Variants in SEC23IP observed in about 807,000 individuals in gnomAD.
SEC23IP encodes the protein SEC23-interacting protein.
In SEC23IP, 70 loss-of-function variants were observed where a neutral mutation model predicts 113.4. The observed-to-expected ratio is 0.62, with a 90% CI of 0.51 to 0.75. The LOEUF (loss-of-function observed/expected upper bound fraction) is 0.75. Ranked by LOEUF, SEC23IP falls within the 30% of genes least tolerant of loss-of-function variation. The pLI, the probability that SEC23IP is intolerant of heterozygous loss-of-function variation, is 0.00. For synonymous variants in SEC23IP, 398 were observed against 421.0 expected (o/e 0.95, Z 0.67); for missense variants, 1,160 against 1,204.9 (o/e 0.96, Z 0.55).
intron 18 of SEC23IP, among the ~76,000 whole-genome samples, chr10:119,935,733 C>T: frequency 6.6e-6 from 1 of 152,168 alleles, no homozygotes; most frequent in East Asian, 1.9e-4. Flanking sequence ...AAATGAACCA[C>T]ATGGTAAAGA....
At chr10:119,901,197 C>T (rs61870591) in intron 2 of SEC23IP, among the ~76,000 whole-genome samples, 8,247 of 151,682 alleles carry the variant, frequency 0.054, 414 homozygotes, top group South Asian at 0.26. Context: ...TTTGTAGAAA[C>T]GGTATTGCTG....
intron 15 of SEC23IP, among the ~76,000 whole-genome samples, chr10:119,931,400 A>C (rs188988529): frequency 6.6e-6 from 1 of 150,798 alleles, no homozygotes; most frequent in Non-Finnish European, 1.5e-5. Context: ...GGGTCTCACT[A>C]TGTTGCCCAG....
At chr10:119,918,669 C>T (rs1855136070) in intron 10 of SEC23IP, among the ~76,000 whole-genome samples, 158 bp downstream of exon 10, 2 of 152,112 alleles carry the variant, frequency 1.3e-5, no homozygotes, top group Non-Finnish European at 2.9e-5. Context: ...GTCTTGAGTT[C>T]CCTCCTGGCC....
intron 1 of SEC23IP, among the ~76,000 whole-genome samples, chr10:119,894,630 T>G (rs1359733062): frequency 6.6e-6 from 1 of 152,174 alleles, no homozygotes; most frequent in Non-Finnish European, 1.5e-5. Flanking sequence ...GACCTGTGGT[T>G]GAAAGGTTAG....
At chr10:119,898,330 A>G (rs910420645) in intron 1 of SEC23IP, 97 bp from the exon 2 acceptor site, 17 of 1,373,402 alleles carry the variant, frequency 1.2e-5, no homozygotes, top group Non-Finnish European at 1.3e-5. Context: ...TTTGAAGAAC[A>G]AATAAGGAAG....
At chr10:119,914,956 T>G in intron 7 of SEC23IP, 137 bp downstream of exon 7, 1 of 742,228 alleles carries the variant, frequency 1.3e-6, no homozygotes, top group Non-Finnish European at 2.3e-6. Flanking sequence ...AAATGGTCAG[T>G]GGGAAATACT....
rs1235132064 is a variant in SEC23IP at position 119,944,392 on chromosome 10, T to G, written c.*3827T>G. 6.6e-6 allele frequency: 1 copy of G among 152,174 alleles called. No individual in the cohort carries two copies. Among genetic ancestry groups the G allele is most frequent in the Admixed American group, 6.5e-5 (1 of 15,284 alleles). The allele number at this position is 152,174 out of a possible 1,614,324, so 9.4% of individuals were successfully genotyped here. On this transcript the variant is annotated 3_prime_UTR_variant, in exon 19 of 19. Coordinates refer to ENST00000369075, the MANE Select transcript of SEC23IP (RefSeq NM_007190.4). ...TGTGAGTCACTTGAACCCCTTTTGT[T>G]TATAAATTGCCCAGTCTCAGGTAGT...
intron 1 of SEC23IP, 145 bp from the exon 2 acceptor site, chr10:119,898,282 G>GA: frequency 3.8e-6 from 5 of 1,301,492 alleles, no homozygotes; most frequent in Non-Finnish European, 4.9e-6. Context: ...AAGAAAAAAA[G>GA]AAAAAACTGT....
At chr10:119,914,395 A>G (rs1854974507) in intron 6 of SEC23IP, 1 of 261,186 alleles carries the variant, frequency 3.8e-6, no homozygotes, top group Non-Finnish European at 7.4e-6. Context: ...AAATCTGAGT[A>G]ATCTCCACTG....
At chr10:119,924,175 A>G (rs1855342791) in intron 12 of SEC23IP, among the ~76,000 whole-genome samples, 1 of 152,192 alleles carries the variant, frequency 6.6e-6, no homozygotes, top group Non-Finnish European at 1.5e-5. Context: ...TGCCTTTTCA[A>G]TTAACCAGTT....
intron 1 of SEC23IP, among the ~76,000 whole-genome samples, chr10:119,893,411 A>G (rs2456724): frequency 0.71 from 108,134 of 151,786 alleles, 38,797 homozygotes; most frequent in East Asian, 0.82. Flanking sequence ...GATACAGTAC[A>G]ATATCTTCTA....
intron 1 of SEC23IP, among the ~76,000 whole-genome samples, chr10:119,896,558 C>T (rs768176604): frequency 2.6e-5 from 4 of 152,268 alleles, no homozygotes; most frequent in African/African-American, 7.2e-5. Flanking sequence ...CGAGAATGGT[C>T]TGGGCTTACG....
intron 9 of SEC23IP, 69 bp from the exon 10 acceptor site, chr10:119,918,324 C>A: frequency 1.1e-6 from 1 of 916,302 alleles, no homozygotes; most frequent in Non-Finnish European, 1.7e-6. Context: ...TGACTATAGA[C>A]AGTGAAAAAA....
At position 119,892,758 on chromosome 10, in the gene SEC23IP, G is replaced by A; in HGVS notation, c.-25G>A. 6.3e-7 allele frequency: 1 copy of A among 1,589,080 alleles called. No individual in the cohort carries two copies. Among genetic ancestry groups the A allele is most frequent in the Non-Finnish European group, 8.6e-7 (1 of 1,166,712 alleles). Reference sequence around the variant, plus strand: ...GGTGTGGTACCGGGTACCCGGAGACGTGTATCGGACGGTGGGCCGCAGCCA... The same window carrying A: ...GGTGTGGTACCGGGTACCCGGAGACATGTATCGGACGGTGGGCCGCAGCCA... On this transcript the variant is annotated 5_prime_UTR_variant, in exon 1 of 19. The change creates a new upstream start codon in the 5' untranslated region. Transcript: ENST00000369075.
intron 15 of SEC23IP, among the ~76,000 whole-genome samples, chr10:119,931,684 C>G (rs1792426540): frequency 6.6e-6 from 1 of 151,720 alleles, no homozygotes; most frequent in African/African-American, 2.4e-5. Flanking sequence ...TCCTGAGTAG[C>G]TGGGACTACA....
At chr10:119,904,031 A>G (rs1854579822) in intron 3 of SEC23IP, 53 bp from the exon 4 acceptor site, 1 of 1,580,240 alleles carries the variant, frequency 6.3e-7, no homozygotes, top group Admixed American at 1.7e-5. Flanking sequence ...ATTATTTATT[A>G]TTTTACAATA....
At position 119,943,895 on chromosome 10, in the gene SEC23IP, G is replaced by A. The variant is rs1856018443; in HGVS notation, c.*3330G>A. The A allele has an allele frequency of 6.6e-6, 1 of 152,266 alleles. No homozygotes were observed. Among genetic ancestry groups the A allele is most frequent in the African/African-American group, 2.4e-5 (1 of 41,454 alleles). 9.4% of individuals were successfully genotyped at this position (152,266 alleles called of 1,614,324 possible). A position where few individuals can be genotyped will look rare whatever the true frequency, so the allele number is the denominator to read the frequency against. ...TGCTGCAGTTCAGGTTCATGGACAG[G>A]TGGGACTGGTGTGGTTGGGATAACC... On this transcript the variant is annotated 3_prime_UTR_variant, in exon 19 of 19. Transcript: ENST00000369075.
At chr10:119,893,019 A>G (rs1422249353) in intron 1 of SEC23IP, 74 bp downstream of exon 1, 3 of 1,501,346 alleles carry the variant, frequency 2.0e-6, no homozygotes, top group East Asian at 4.6e-5. Context: ...GTCAGACGGG[A>G]GTTTTTCCTT....
At position 119,926,154 on chromosome 10, in the gene SEC23IP, G is replaced by C; in HGVS notation, c.2240G>C (p.Arg747Thr). Residue 747 changes from arginine (R) to threonine (T), a missense_variant, in exon 13 of 19, where the codon AGG becomes ACG. Physicochemically the swap from Arg to Thr is moderately conservative, Grantham distance 71. Transcript: ENST00000369075. ...SLPSESNEPKRKLPVGACVSS... is the reference protein window; with the variant it reads ...SLPSESNEPKTKLPVGACVSS... ...CCCTCAGAATCCAATGAGCCAAAGA[G>C]GAAACTTCCAGTTGGTGCTTGCGTG... The C allele has an allele frequency of 6.2e-7, 1 of 1,614,138 alleles. No homozygotes were observed. The highest frequency in any genetic ancestry group is 8.5e-7 in the Non-Finnish European group (1 of 1,180,008).
Sources: allele counts gnomAD v4.1 joint callset (sites outside exome capture counted in the v4.1 genomes callset), GRCh38; gene constraint gnomAD v4.1.1; transcripts MANE v1.5; gene names NCBI Gene and HGNC (gene_info 2026-07-23, HGNC 2026-07-21).